Variants in TYRP1 observed in about 807,000 individuals in gnomAD.
The protein encoded by TYRP1 is tyrosinase related protein 1, also known as 5,6-dihydroxyindole-2-carboxylic acid oxidase.
A neutral mutation model predicts 42.8 loss-of-function variants in TYRP1; 49 were observed. The observed-to-expected ratio is 1.14, with a 90% CI of 0.91 to 1.45. The LOEUF (loss-of-function observed/expected upper bound fraction) is 1.45. Among genes scored for constraint, TYRP1 ranks in the 40% most tolerant of loss-of-function variants. The probability of loss-of-function intolerance (pLI) is 0.00; values close to 1 mark genes in which losing one functional copy is unlikely to be tolerated. For missense variants in TYRP1, 848 were observed against 662.0 expected, an observed-to-expected ratio of 1.28 and a Z score of -3.08; for synonymous variants, 279 against 235.4, an observed-to-expected ratio of 1.19 and a Z score of -1.69.
intron 4 of TYRP1, among the ~76,000 whole-genome samples, chr9:12,700,924 T>G (rs1204498545): frequency 6.6e-6 from 1 of 152,034 alleles, no homozygotes; most frequent in Non-Finnish European, 1.5e-5. Flanking sequence ...TTAAATTTCA[T>G]TATGCTAACT....
At chr9:12,696,366 C>T (rs530147085) in intron 3 of TYRP1, among the ~76,000 whole-genome samples, 161 of 152,172 alleles carry the variant, frequency 1.1e-3, no homozygotes, top group African/African-American at 3.5e-3. Context: ...TATTTTTCCA[C>T]GTTCCCTACC....
At position 12,698,534 on chromosome 9, in the gene TYRP1, C is replaced by G; in HGVS notation, c.792C>G (p.Asp264Glu). The G allele has an allele frequency of 6.2e-7, 1 of 1,613,844 alleles. No individual in the cohort carries two copies. The highest frequency in any genetic ancestry group is 1.1e-5 in the South Asian group (1 of 91,072). The change falls in exon 4 of 8, where the codon GAC becomes GAG. Residue 264 changes from aspartate (D) to glutamate (E), a missense_variant. Asp to Glu is a conservative substitution (Grantham distance 45). Coordinates refer to ENST00000388918, the MANE Select transcript of TYRP1 (RefSeq NM_000550.3). ...ATGTCTGTGATATCTGCACGGATGA[C>G]TTGATGGGATCCAGAAGCAACTTTG... ...GKNVCDICTD[D>E]LMGSRSNFDS...
intron 6 of TYRP1, among the ~76,000 whole-genome samples, chr9:12,707,316 G>C (rs1454976299): frequency 6.6e-6 from 1 of 151,758 alleles, no homozygotes; most frequent in Non-Finnish European, 1.5e-5. Flanking sequence ...CTATTTCCTG[G>C]TCAGTATTCA....
At position 12,709,179 on chromosome 9, in the gene TYRP1, C is replaced by A; in HGVS notation, c.1611C>A (p.Val537=). ...EKLQNPNQSV[V] The stretch of plus-strand genomic sequence containing the variant: ...TCCAGAATCCTAATCAGTCTGTGGT[C>A]TAACAAATGCCCTACTCTCTTATGC... Residue 537 remains valine, a synonymous_variant, in exon 8 of 8, where the codon GTC becomes GTA. Coordinates refer to ENST00000388918, the MANE Select transcript of TYRP1 (RefSeq NM_000550.3). 1 of 1,612,130 alleles carries A rather than the reference C, an allele frequency of 6.2e-7. No individual in the cohort carries two copies. The highest frequency in any genetic ancestry group is 1.1e-5 in the South Asian group (1 of 91,016).
intron 6 of TYRP1, among the ~76,000 whole-genome samples, chr9:12,707,254 A>G (rs1818273208): frequency 6.6e-6 from 1 of 152,026 alleles, no homozygotes; most frequent in African/African-American, 2.4e-5. Context: ...GAGAGAAATG[A>G]AGTAATCACA....
intron 5 of TYRP1, among the ~76,000 whole-genome samples, chr9:12,703,906 T>TGTGC (rs1233548579): frequency 7.2e-6 from 1 of 139,770 alleles, no homozygotes; most frequent in Non-Finnish European, 1.6e-5. Flanking sequence ...TGTGTGTGTG[T>TGTGC]GTGTATATAT....
rs1818036567 is a variant in TYRP1, at chr9:12,694,074, C to T, written c.78C>T (p.Phe26=). Residue 26 remains phenylalanine (F), a synonymous_variant, in exon 2 of 8, where the codon TTC becomes TTT. Coordinates refer to ENST00000388918, the MANE Select transcript of TYRP1 (RefSeq NM_000550.3). ...TTTTTCAGCAGGCCCGGGCTCAATT[C>T]CCAAGACAGTGTGCCACTGTTGAGG... The part of the protein sequence containing the change: ...LLLFQQARAQ[F]PRQCATVEAL... The T allele has an allele frequency of 6.2e-7, 1 of 1,613,872 alleles. No individual in the cohort carries two copies. Among genetic ancestry groups the T allele is most frequent in the Admixed American group, 1.7e-5 (1 of 59,980 alleles).
intron 7 of TYRP1, 127 bp from the exon 8 acceptor site, chr9:12,708,850 T>C: frequency 2.3e-6 from 2 of 888,246 alleles, no homozygotes; most frequent in Non-Finnish European, 3.6e-6. Context: ...TTCAAGGCCA[T>C]GTGGCCAATG....
At chr9:12,705,446 A>G (rs1159157511) in intron 6 of TYRP1, among the ~76,000 whole-genome samples, 2 of 152,054 alleles carry the variant, frequency 1.3e-5, no homozygotes, top group African/African-American at 2.4e-5. Flanking sequence ...TTATGTATCC[A>G]TTAGGCATGC....
rs1005251566 is a variant in TYRP1, at chr9:12,694,042, T to A, written c.46T>A (p.Leu16Met). 4 of 1,614,064 alleles carry A rather than the reference T, an allele frequency of 2.5e-6. No homozygotes were observed. The highest frequency in any genetic ancestry group is 3.4e-6 in the Non-Finnish European group (4 of 1,180,014). Residue 16 changes from leucine to methionine, a missense_variant, in exon 2 of 8, where the codon TTG becomes ATG. By Grantham distance (15) the Leu-to-Met change is conservative. Coordinates refer to ENST00000388918, the MANE Select transcript of TYRP1 (RefSeq NM_000550.3). ...CTCTCTGGGCTGTATCTTCTTCCCC[T>A]TGCTACTTTTTCAGCAGGCCCGGGC... Reference protein sequence around the residue: ...LLSLGCIFFPLLLFQQARAQF... With the variant: ...LLSLGCIFFPMLLFQQARAQF...
At chr9:12,698,818 A>G (rs1397693919) in intron 4 of TYRP1, among the ~76,000 whole-genome samples, 163 bp downstream of exon 4, 1 of 152,134 alleles carries the variant, frequency 6.6e-6, no homozygotes, top group Non-Finnish European at 1.5e-5. Context: ...TAGAATGTTC[A>G]AGGTACTCTA....
intron 3 of TYRP1, 138 bp from the exon 4 acceptor site, chr9:12,698,313 C>T (rs1463873007): frequency 1.2e-6 from 1 of 845,102 alleles, no homozygotes; most frequent in Non-Finnish European, 1.9e-6. Context: ...CTGGGCCCCT[C>T]AGACACCGTT....
chr9:12,702,459 T>G lies in TYRP1; in HGVS notation c.1081+21T>G, dbSNP rs200277477. ...GGAAGGCAAGTAAATGAAATCAGTATTTTTAAAAGATCTAGTTATCAGAGA... is the reference window on the plus strand; with the variant it reads ...GGAAGGCAAGTAAATGAAATCAGTAGTTTTAAAAGATCTAGTTATCAGAGA... On this transcript the variant is annotated intron_variant, in intron 5 of 7. Transcript: ENST00000388918. The G allele has an allele frequency of 3.1e-4, 498 of 1,609,862 alleles. 3 individuals carry two copies. In the African/African-American group the frequency reaches 6.1e-3, roughly 20 times the overall value.
At chr9:12,700,130 A>G (rs1818142577) in intron 4 of TYRP1, 1 of 152,068 alleles carries the variant, frequency 6.6e-6, no homozygotes, top group Non-Finnish European at 1.5e-5. Flanking sequence ...TATTGAACAT[A>G]TATTATGTAT....
At chr9:12,705,133 A>T (rs1818237103) in intron 6 of TYRP1, among the ~76,000 whole-genome samples, 2 of 152,080 alleles carry the variant, frequency 1.3e-5, no homozygotes, top group Admixed American at 1.3e-4. Context: ...TTATTACTTA[A>T]TGGCCCCTCA....
intron 3 of TYRP1, among the ~76,000 whole-genome samples, chr9:12,697,438 T>A (rs1818095381): frequency 6.6e-6 from 1 of 152,092 alleles, no homozygotes; most frequent in Admixed American, 6.6e-5. Context: ...TGATGGCTTC[T>A]AAAGGAGGAC....
chr9:12,708,068 C>A lies in TYRP1; in HGVS notation c.1333C>A (p.Pro445Thr), dbSNP rs548569318. The A allele has an allele frequency of 1.2e-6, 2 of 1,612,566 alleles. No individual in the cohort carries two copies. The highest frequency in any genetic ancestry group is 1.7e-6 in the Non-Finnish European group (2 of 1,179,242). Residue 445 changes from proline to threonine, a missense_variant, in exon 7 of 8, where the codon CCC becomes ACC. Coordinates refer to ENST00000388918, the MANE Select transcript of TYRP1 (RefSeq NM_000550.3). Reference protein sequence around the residue: ...NRQYNMVPFWPPVTNTEMFVT... With the variant: ...NRQYNMVPFWTPVTNTEMFVT... ...ACAATACAACATGGTGCCATTCTGGCCCCCAGTCACCAACACAGAAATGTT... is the reference window on the plus strand; with the variant it reads ...ACAATACAACATGGTGCCATTCTGGACCCCAGTCACCAACACAGAAATGTT...
At chr9:12,703,846 C>G (rs1213624491) in intron 5 of TYRP1, among the ~76,000 whole-genome samples, 1 of 149,892 alleles carries the variant, frequency 6.7e-6, no homozygotes, top group Non-Finnish European at 1.5e-5. Context: ...TTATACCAAT[C>G]CTTGTTTTCT....
intron 4 of TYRP1, among the ~76,000 whole-genome samples, chr9:12,699,566 T>C (rs1818133193): frequency 6.6e-6 from 1 of 152,136 alleles, no homozygotes; most frequent in African/African-American, 2.4e-5. Context: ...AGAAATACTC[T>C]AAATAAATCA....
Sources: gnomAD v4.1 joint callset for allele counts (sites outside exome capture counted in the v4.1 genomes callset) on GRCh38, gnomAD v4.1.1 for gene constraint, MANE v1.5 for transcripts, NCBI Gene and HGNC (gene_info 2026-07-23, HGNC 2026-07-21) for gene names.